Variants in PUDP observed in about 807,000 individuals in gnomAD.
The protein encoded by PUDP is pseudouridine 5'-phosphatase, also known as pseudouridine-5'-phosphatase.
A neutral mutation model predicts 9.4 loss-of-function variants in PUDP; 8 were observed. The observed-to-expected ratio is 0.85, with a 90% CI of 0.50 to 1.53. PUDP has a LOEUF of 1.53. Among genes scored for constraint, PUDP ranks in the 40% most tolerant of loss-of-function variants. The pLI is 0.00. For missense variants in PUDP, 188 were observed against 189.7 expected (o/e 0.99, Z 0.05); for synonymous variants, 99 against 80.7 (o/e 1.23, Z -1.22).
intron 1 of PUDP, among the ~76,000 whole-genome samples, chrX:7,107,656 G>A (rs1433825484): frequency 5.4e-5 from 6 of 111,735 alleles, no homozygotes; most frequent in African/African-American, 2.0e-4. Context: ...GCAAAACCCC[G>A]TCTGTATTAA....
At chrX:6,778,429 C>T (rs1925502989) in intron 3 of PUDP, among the ~76,000 whole-genome samples, 1 of 112,734 alleles carries the variant, frequency 8.9e-6, no homozygotes, top group African/African-American at 3.2e-5. Context: ...CAAGGCCAGC[C>T]ACCCTGAGCA....
intron 1 of PUDP, among the ~76,000 whole-genome samples, chrX:7,108,263 C>T (rs1249641820): frequency 3.6e-5 from 4 of 112,483 alleles, no homozygotes; most frequent in Non-Finnish European, 5.6e-5. Context: ...GCTTTGGCTG[C>T]CACGGTGTGG....
At chrX:6,876,187 G>C (rs919908294) in intron 3 of PUDP, among the ~76,000 whole-genome samples, 3 of 111,685 alleles carry the variant, frequency 2.7e-5, no homozygotes, top group Non-Finnish European at 5.6e-5. Context: ...AATATTCAAT[G>C]AATTACATGA....
intron 1 of PUDP, among the ~76,000 whole-genome samples, chrX:7,019,388 C>T (rs781721676): frequency 8.3e-4 from 93 of 111,807 alleles, no homozygotes; most frequent in Non-Finnish European, 1.7e-3. Context: ...GACGGCTGTT[C>T]AGAAAGCCAG....
At chrX:6,876,825 G>A (rs973401143) in intron 3 of PUDP, among the ~76,000 whole-genome samples, 128 of 109,611 alleles carry the variant, frequency 1.2e-3, no homozygotes, top group African/African-American at 4.0e-3. Context: ...ATATATGTGT[G>A]TACCTATAGA....
intron 1 of PUDP, among the ~76,000 whole-genome samples, chrX:6,709,087 T>C (rs1924502685): frequency 8.9e-6 from 1 of 112,100 alleles, no homozygotes; most frequent in Non-Finnish European, 1.9e-5. Context: ...AGCACATCAC[T>C]CCAAGGCTTT....
At chrX:6,902,499 T>A (rs1161326803) in intron 3 of PUDP, among the ~76,000 whole-genome samples, 1 of 112,389 alleles carries the variant, frequency 8.9e-6, no homozygotes, top group African/African-American at 3.2e-5. Context: ...ATGTTCGGTA[T>A]AAAGAAAGTG....
chrX:7,050,238 C>T lies in PUDP; in HGVS notation c.*58G>A. 9.2e-7 allele frequency: 1 copy of T among 1,091,424 alleles called. No individual in the cohort carries two copies. Among genetic ancestry groups the T allele is most frequent in the South Asian group, 2.1e-5 (1 of 46,611 alleles). The allele number at this position is 1,091,424 out of a possible 1,213,427, so 89.9% of individuals were successfully genotyped here. ...AGAGTTGCTGATTTCCTTTCCCTTTCCCCCAGCAGTGTGGACCATGAGAGT... is the reference window on the plus strand; with the variant it reads ...AGAGTTGCTGATTTCCTTTCCCTTTTCCCCAGCAGTGTGGACCATGAGAGT... On this transcript the variant is annotated 3_prime_UTR_variant, in exon 4 of 4. Coordinates refer to ENST00000381077, the MANE Select transcript of PUDP (RefSeq NM_012080.5).
intron 3 of PUDP, among the ~76,000 whole-genome samples, chrX:6,736,404 T>C (rs900994111): frequency 8.9e-6 from 1 of 112,255 alleles, no homozygotes; most frequent in Admixed American, 9.4e-5. Context: ...ATACTTTATA[T>C]GAAAAATGCA....
chrX:6,805,451 T>G (rs1301384829), intron 3 of PUDP, among the ~76,000 whole-genome samples: 2 of 110,010 alleles, frequency 1.8e-5, no homozygotes, highest in Non-Finnish European at 3.8e-5. Context: ...AGCATCAAAG[T>G]GCCTGAGGCC....
chrX:6,822,690 G>GTT lies in PUDP; in HGVS notation c.*248-116226_*248-116225dup, dbSNP rs113740633. 3.4e-3 allele frequency among the ~76,000 whole-genome samples: 314 copies of GTT among 91,129 alleles called. 6 individuals are homozygous for GTT. The highest frequency in any genetic ancestry group is 0.02 in the East Asian group (55 of 2,773). The allele number at this position is 91,129 out of a possible 115,157, so 79.1% of individuals were successfully genotyped here. A position where few individuals can be genotyped will look rare whatever the true frequency, so the allele number is the denominator to read the frequency against. On this transcript the variant is annotated intron_variant and NMD_transcript_variant, in intron 3 of 3. Transcript: ENST00000655425. Reference sequence around the variant, plus strand: ...TCCACCCGCCTCGGCCTCCCAAAGTGTTTTTTTTTTTTTTTTTAACTTTTA... The same window carrying GTT: ...TCCACCCGCCTCGGCCTCCCAAAGTGTTTTTTTTTTTTTTTTTTTAACTTTTA...
At chrX:7,125,059 A>T (rs1366781423) in intron 1 of PUDP, among the ~76,000 whole-genome samples, 1 of 110,804 alleles carries the variant, frequency 9.0e-6, no homozygotes, top group Non-Finnish European at 1.9e-5. Context: ...ATAAACTTTT[A>T]AACGTTTCAT....
intron 1 of PUDP, among the ~76,000 whole-genome samples, chrX:6,994,307 G>A (rs894158674): frequency 1.8e-5 from 2 of 111,835 alleles, no homozygotes; most frequent in Non-Finnish European, 3.8e-5. Flanking sequence ...CAGCTACTTG[G>A]GAGGCTGAGG....
chrX:6,980,013 G>A (rs1929009985), intron 1 of PUDP, among the ~76,000 whole-genome samples: 1 of 110,597 alleles, frequency 9.0e-6, no homozygotes, highest in Admixed American at 9.6e-5. Context: ...TGCAAACCCA[G>A]ATCATGAGCA....
chrX:7,128,240 C>T (rs935902319), intron 1 of PUDP, among the ~76,000 whole-genome samples: 2 of 111,116 alleles, frequency 1.8e-5, no homozygotes, highest in African/African-American at 6.6e-5. Context: ...CAGGGTTTCG[C>T]CATGTTGCCC....
intron 1 of PUDP, 98 bp from the exon 2 acceptor site, chrX:7,105,936 A>G (rs756970008): frequency 6.1e-5 from 34 of 554,392 alleles, no homozygotes; most frequent in Admixed American, 1.7e-4. Flanking sequence ...GTCTCATTCC[A>G]TGAACAAAGG....
intron 1 of PUDP, among the ~76,000 whole-genome samples, chrX:6,994,184 G>A (rs187565359): frequency 8.9e-6 from 1 of 111,864 alleles, no homozygotes; most frequent in East Asian, 2.8e-4. Flanking sequence ...AGGCTGAGGT[G>A]GGAGGACCAC....
At chrX:6,738,327 A>C (rs1924897750) in intron 3 of PUDP, among the ~76,000 whole-genome samples, 1 of 111,453 alleles carries the variant, frequency 9.0e-6, no homozygotes, top group African/African-American at 3.3e-5. Flanking sequence ...TCGATTTCTG[A>C]GAAGTGTTGT....
intron 3 of PUDP, among the ~76,000 whole-genome samples, chrX:6,964,811 T>G (rs1928758302): frequency 8.9e-6 from 1 of 111,958 alleles, no homozygotes; most frequent in Non-Finnish European, 1.9e-5. Flanking sequence ...CCAAGAAATT[T>G]ATAATCTAGC....
Sources: gnomAD v4.1 joint callset for allele counts (sites outside exome capture counted in the v4.1 genomes callset) on GRCh38, gnomAD v4.1.1 for gene constraint, MANE v1.5 for transcripts, NCBI Gene and HGNC (gene_info 2026-07-23, HGNC 2026-07-21) for gene names.